The following GPR19 variants were observed in gnomAD, a reference collection of about 807,000 sequenced individuals.
GPR19 encodes probable G protein-coupled receptor 19.
Under a neutral mutation model 28.5 loss-of-function variants are expected in GPR19, and 14 were observed. The ratio of observed to expected loss-of-function variants is 0.49; its 90% confidence interval spans 0.32 to 0.77. The LOEUF is 0.77. Among genes scored for constraint, GPR19 ranks in the 30% least tolerant of loss-of-function variants. The pLI, the probability that GPR19 is intolerant of heterozygous loss-of-function variation, is 0.03. For synonymous variants in GPR19, 173 were observed against 184.1 expected (o/e 0.94, Z 0.49); for missense variants, 409 against 504.1 (o/e 0.81, Z 1.81).
chr12:12,681,158 T>G lies in GPR19; in HGVS notation c.-23+3193A>C, dbSNP rs954405061. Among the ~76,000 whole-genome samples the G allele has an allele frequency of 2.0e-5, 3 of 152,192 alleles. No homozygotes were observed. The South Asian group carries it at 6.2e-4, about 31-fold the overall frequency. On this transcript the variant is annotated intron_variant, in intron 3 of 3. Transcript: ENST00000651487. ...CTCCCATGTCATCCAATTTTTTGCC[T>G]TGGCTGATGGAGAAGAAACTACGTC...
chr12:12,683,802 G>C (rs1315429100), intron 3 of GPR19, among the ~76,000 whole-genome samples: 2 of 152,178 alleles, frequency 1.3e-5, no homozygotes, highest in Admixed American at 1.3e-4. Context: ...CTTGTTGCTA[G>C]CATTTCTACA....
the GPR19 span, chr12:12,716,695 T>C: frequency 4.2e-6 from 4 of 960,276 alleles, no homozygotes; most frequent in Non-Finnish European, 5.0e-6. Flanking sequence ...CGTCTACTCC[T>C]GGCTAATTTC....
intron 2 of GPR19, among the ~76,000 whole-genome samples, chr12:12,691,285 G>C (rs1007054458): frequency 3.9e-5 from 6 of 152,196 alleles, no homozygotes; most frequent in African/African-American, 1.4e-4. Flanking sequence ...TGGTGCATCT[G>C]TTTCTAAAAT....
intron 3 of GPR19, chr12:12,668,951 CA>C (rs1324925503): frequency 7.2e-5 from 11 of 152,194 alleles, no homozygotes; most frequent in Non-Finnish European, 1.3e-4. Context: ...GGAAAGTGGT[CA>C]CTCCAAAGCC....
At chr12:12,702,805 C>G in the GPR19 span, among the ~76,000 whole-genome samples, 1 of 152,312 alleles carries the variant, frequency 6.6e-6, no homozygotes, top group Non-Finnish European at 1.5e-5. Context: ...CACTATTCTA[C>G]ACCCCAGTGA....
the GPR19 span, among the ~76,000 whole-genome samples, chr12:12,702,604 C>T: frequency 4.6e-5 from 7 of 152,156 alleles, no homozygotes. Flanking sequence ...TTACTCAGTG[C>T]CTTCTCGTTT....
the GPR19 span, among the ~76,000 whole-genome samples, chr12:12,712,656 A>G: frequency 0.029 from 4,372 of 151,912 alleles, 206 homozygotes; most frequent in African/African-American, 0.099. Flanking sequence ...ATGTTTTTCT[A>G]TGTATTGCTT....
At chr12:12,703,456 A>G in the GPR19 span, 1 of 982,948 alleles carries the variant, frequency 1.0e-6, no homozygotes, top group African/African-American at 1.7e-5. Context: ...TTCGCAGGTA[A>G]ATGGTAATCA....
upstream of GPR19, among the ~76,000 whole-genome samples, chr12:12,696,872 T>G (rs1225553787): frequency 6.6e-6 from 1 of 152,126 alleles, no homozygotes; most frequent in Non-Finnish European, 1.5e-5. Flanking sequence ...AAGAAAATAA[T>G]GGTAGGGAAA....
chr12:12,693,108 T>G (rs1410030087), intron 2 of GPR19, among the ~76,000 whole-genome samples: 1 of 152,206 alleles, frequency 6.6e-6, no homozygotes, highest in East Asian at 1.9e-4. Flanking sequence ...AAGTAACTTG[T>G]CTCTTAGAAG....
the GPR19 span, chr12:12,703,544 C>A: frequency 3.2e-6 from 1 of 313,536 alleles, no homozygotes; most frequent in Non-Finnish European, 4.6e-6. Flanking sequence ...CATAGTGATT[C>A]TGCTGGTCCC....
chr12:12,678,073 C>CAA lies in GPR19; in HGVS notation c.-23+6276_-23+6277dup, dbSNP rs56014911. Among the ~76,000 whole-genome samples the CAA allele has an allele frequency of 3.8e-3, 174 of 46,102 alleles. 4 individuals are homozygous for CAA. The highest frequency in any genetic ancestry group is 8.7e-3 in the African/African-American group (119 of 13,718). The allele number at this position is 46,102 out of a possible 152,430, so 30.2% of individuals were successfully genotyped here. A position where few individuals can be genotyped will look rare whatever the true frequency, so the allele number is the denominator to read the frequency against. ...TGGGTGACAGAACGAGACTCTGTCT[C>CAA]AAAAAAAAAAAAAAAAAAAAAAAAA... is the stretch of plus-strand genomic sequence containing the variant. On this transcript the variant is annotated intron_variant, in intron 3 of 3. Coordinates refer to ENST00000651487, the MANE Select transcript of GPR19 (RefSeq NM_006143.3).
At chr12:12,686,023 A>G (rs894373290) in intron 2 of GPR19, among the ~76,000 whole-genome samples, 1 of 152,224 alleles carries the variant, frequency 6.6e-6, no homozygotes, top group Non-Finnish European at 1.5e-5. Context: ...ATAAATACAA[A>G]TTTTATTAAT....
chr12:12,716,903 CGCTGGGGAGGGCCGAGCTGGGGGCA>C, the GPR19 span: 140 of 984,636 alleles, frequency 1.4e-4, no homozygotes, highest in Non-Finnish European at 1.6e-4. Flanking sequence ...AGGTGGGGGC[CGCTGGGGAGGGCCGAGCTGGGGGCA>C]GCTCGCCACC....
the GPR19 span, chr12:12,717,127 A>C: frequency 2.0e-6 from 2 of 1,017,654 alleles, no homozygotes; most frequent in Non-Finnish European, 2.4e-6. Context: ...TCTTAATTTT[A>C]ATTTCTCCGA....
chr12:12,665,402 A>G (rs1234033078), intron 3 of GPR19, among the ~76,000 whole-genome samples: 1 of 152,134 alleles, frequency 6.6e-6, no homozygotes, highest in Admixed American at 6.5e-5. Context: ...GAGGATCCCA[A>G]TGCTCAGAAA....
the GPR19 span, among the ~76,000 whole-genome samples, chr12:12,712,668 C>T: frequency 6.6e-6 from 1 of 152,098 alleles, no homozygotes; most frequent in African/African-American, 2.4e-5. Context: ...GTATTGCTTT[C>T]TACCTCTAGT....
chr12:12,675,193 T>A (rs974529855), intron 3 of GPR19, among the ~76,000 whole-genome samples: 3 of 152,168 alleles, frequency 2.0e-5, no homozygotes, highest in Non-Finnish European at 4.4e-5. Flanking sequence ...GAGGTTTTTT[T>A]ATAGACAAAA....
Position 12,662,154 on chromosome 12 carries a change from T to A in GPR19, c.295A>T (p.Thr99Ser), listed in dbSNP as rs1354078147. 1 of 1,614,190 alleles carries A rather than the reference T, an allele frequency of 6.2e-7. No individual in the cohort carries two copies. Among genetic ancestry groups the A allele is most frequent in the Non-Finnish European group, 8.5e-7 (1 of 1,180,022 alleles). Residue 99 changes from threonine (T) to serine (S), a missense_variant, in exon 4 of 4, where the codon ACC becomes TCC. By Grantham distance (58) the Thr-to-Ser change is moderately conservative (BLOSUM62 1). Transcript: ENST00000651487. Reference sequence around the variant, plus strand: ...ATGGAGACCACAAAGTAGTTGGTGGTAGACTGAGTCCTCCTACTCCTATGG... The same window carrying A: ...ATGGAGACCACAAAGTAGTTGGTGGAAGACTGAGTCCTCCTACTCCTATGG... Reference protein sequence around the residue: ...VIHRSRRTQSTTNYFVVSMAC... With the variant: ...VIHRSRRTQSSTNYFVVSMAC...
Sources: gnomAD v4.1 joint callset for allele counts (sites outside exome capture counted in the v4.1 genomes callset) on GRCh38, gnomAD v4.1.1 for gene constraint, MANE v1.5 for transcripts, NCBI Gene and HGNC (gene_info 2026-07-23, HGNC 2026-07-21) for gene names.